The following RNF141 variants were observed in gnomAD, a reference collection of about 807,000 sequenced individuals.
The protein encoded by RNF141 is ring finger protein 141.
In RNF141, 18 loss-of-function variants were observed where a neutral mutation model predicts 27.4. That is an observed-to-expected ratio of 0.66 (90% CI 0.45 to 0.97). The LOEUF is 0.97. Ranked by LOEUF, RNF141 falls within the 50% of genes least tolerant of loss-of-function variation. The pLI is 0.00. For missense variants in RNF141, 230 were observed against 279.4 expected (o/e 0.82, Z 1.26); for synonymous variants, 97 against 96.6 (o/e 1.00, Z -0.02).
chr11:10,518,103 A>G (rs924235252), intron 5 of RNF141, among the ~76,000 whole-genome samples: 1 of 152,206 alleles, frequency 6.6e-6, no homozygotes, highest in Non-Finnish European at 1.5e-5. Context: ...CTCTCCCTAA[A>G]TTGATATATT....
At chr11:10,524,127 AC>A (rs1849911360) in intron 4 of RNF141, among the ~76,000 whole-genome samples, 1 of 152,170 alleles carries the variant, frequency 6.6e-6, no homozygotes, top group African/African-American at 2.4e-5. Flanking sequence ...AAAAAAAGAA[AC>A]CACTGGCCGG....
intron 2 of RNF141, among the ~76,000 whole-genome samples, chr11:10,531,161 G>C (rs1257203203): frequency 6.6e-6 from 1 of 152,094 alleles, no homozygotes; most frequent in Non-Finnish European, 1.5e-5. Flanking sequence ...CAGATCACGA[G>C]GTCAGGAGTT....
At chr11:10,534,827 T>C (rs1394952349) in intron 1 of RNF141, among the ~76,000 whole-genome samples, 1 of 152,158 alleles carries the variant, frequency 6.6e-6, no homozygotes, top group Non-Finnish European at 1.5e-5. Context: ...ATCAGCTAAA[T>C]AATTTTTTGT....
intron 5 of RNF141, chr11:10,516,644 G>T (rs1326801029): frequency 6.6e-6 from 1 of 152,208 alleles, no homozygotes; most frequent in African/African-American, 2.4e-5. Context: ...CACTACCGAG[G>T]CTGAACAATC....
At chr11:10,535,003 T>G (rs1850021704) in intron 1 of RNF141, among the ~76,000 whole-genome samples, 1 of 152,008 alleles carries the variant, frequency 6.6e-6, no homozygotes, top group African/African-American at 2.4e-5. Context: ...CTCTTTTAGG[T>G]ACCCCCAAAA....
At chr11:10,519,342 C>T (rs1375195025) in intron 4 of RNF141, among the ~76,000 whole-genome samples, 1 of 151,994 alleles carries the variant, frequency 6.6e-6, no homozygotes, top group South Asian at 2.1e-4. Flanking sequence ...AAGAGGGCTA[C>T]ATTTCATAAA....
intron 3 of RNF141, 108 bp downstream of exon 3, chr11:10,530,532 AACC>A (rs1849976238): frequency 3.8e-6 from 2 of 526,356 alleles, no homozygotes; most frequent in East Asian, 3.2e-5. Flanking sequence ...TGTTTTACAA[AACC>A]ACCGAGTTAT....
At position 10,513,753 on chromosome 11, in the gene RNF141, C is replaced by G. The variant is rs555711341; in HGVS notation, c.*1163G>C. The G allele has an allele frequency of 1.3e-5, 2 of 149,772 alleles. No homozygotes were observed. The highest frequency in any genetic ancestry group is 4.9e-5 in the African/African-American group (2 of 40,612). The allele number at this position is 149,772 out of a possible 1,614,324, so 9.3% of individuals were successfully genotyped here. On this transcript the variant is annotated 3_prime_UTR_variant, in exon 6 of 6. Coordinates refer to ENST00000265981, the MANE Select transcript of RNF141 (RefSeq NM_016422.4). ...GGAGTGCAGTGGTGTGATCTCGGCTCACTGCAACCTCCACCTCCTGGGTTC... is the reference window on the plus strand; with the variant it reads ...GGAGTGCAGTGGTGTGATCTCGGCTGACTGCAACCTCCACCTCCTGGGTTC...
At chr11:10,521,340 T>A (rs1490835926) in intron 4 of RNF141, among the ~76,000 whole-genome samples, 2 of 152,254 alleles carry the variant, frequency 1.3e-5, no homozygotes, top group Admixed American at 6.5e-5. Context: ...TCTTTGAATA[T>A]AGGGTGTTTG....
chr11:10,531,642 T>G (rs990864254), intron 2 of RNF141, among the ~76,000 whole-genome samples: 2 of 152,220 alleles, frequency 1.3e-5, no homozygotes, highest in Non-Finnish European at 2.9e-5. Flanking sequence ...AACATAAAAA[T>G]GTATCACTTC....
intron 1 of RNF141, among the ~76,000 whole-genome samples, chr11:10,540,337 T>C (rs566194204): frequency 1.9e-4 from 29 of 152,340 alleles, no homozygotes; most frequent in Admixed American, 1.4e-3. Context: ...TGTCAGAATA[T>C]AAAAGGTACA....
chr11:10,524,491 G>C (rs1327163889), intron 4 of RNF141, among the ~76,000 whole-genome samples: 2 of 152,156 alleles, frequency 1.3e-5, no homozygotes, highest in African/African-American at 4.8e-5. Flanking sequence ...TACCCAGTAT[G>C]ACAGTAAGAC....
intron 2 of RNF141, among the ~76,000 whole-genome samples, chr11:10,532,654 C>A (rs1849999047): frequency 6.6e-6 from 1 of 152,034 alleles, no homozygotes; most frequent in Non-Finnish European, 1.5e-5. Flanking sequence ...TTATTCTTCC[C>A]AATAAAGACA....
chr11:10,537,681 T>A (rs752934581), intron 1 of RNF141, among the ~76,000 whole-genome samples: 17 of 152,120 alleles, frequency 1.1e-4, no homozygotes, highest in Admixed American at 3.3e-4. Flanking sequence ...AAAAAGTAAT[T>A]AAGGCCAAAA....
At chr11:10,534,290 G>T in intron 1 of RNF141, 85 bp from the exon 2 acceptor site, 1 of 937,442 alleles carries the variant, frequency 1.1e-6, no homozygotes, top group East Asian at 2.5e-5. Context: ...AGAAAAACTA[G>T]GGATACCTTT....
chr11:10,526,456 T>A (rs919260786), intron 3 of RNF141, among the ~76,000 whole-genome samples: 1 of 152,134 alleles, frequency 6.6e-6, no homozygotes, highest in Non-Finnish European at 1.5e-5. Context: ...GCTTACTATT[T>A]GAAAAGGCAG....
chr11:10,530,306 A>G (rs1415013849), intron 3 of RNF141, among the ~76,000 whole-genome samples: 1 of 152,224 alleles, frequency 6.6e-6, no homozygotes, highest in Non-Finnish European at 1.5e-5. Context: ...GATAACATTA[A>G]TTTTTAAGGT....
chr11:10,534,477 TACACACACACACAC>T (rs3074399), intron 1 of RNF141, among the ~76,000 whole-genome samples: 1 of 149,880 alleles, frequency 6.7e-6, no homozygotes, highest in Non-Finnish European at 1.5e-5. Flanking sequence ...TGTGCATGTG[TACACACACACACAC>T]ACACACACAC....
At chr11:10,518,469 AATGAAAG>A in intron 5 of RNF141, 1 of 77,148 alleles carries the variant, frequency 1.3e-5, no homozygotes, top group Non-Finnish European at 3.4e-5. Context: ...AATTAGACTG[AATGAAAG>A]AAGCCAGACA....
Sources: gnomAD v4.1 joint callset for allele counts (sites outside exome capture counted in the v4.1 genomes callset) on GRCh38, gnomAD v4.1.1 for gene constraint, MANE v1.5 for transcripts, NCBI Gene and HGNC (gene_info 2026-07-23, HGNC 2026-07-21) for gene names.